PCDHA5: variants seen among roughly 807,000 people sequenced by gnomAD.
The protein encoded by PCDHA5 is protocadherin alpha-5.
A neutral mutation model predicts 61.6 loss-of-function variants in PCDHA5; 43 were observed. The ratio of observed to expected loss-of-function variants is 0.70; its 90% CI spans 0.55 to 0.90. The LOEUF (loss-of-function observed/expected upper bound fraction) is 0.90. PCDHA5 is among the 40% of genes least tolerant of loss of function. PCDHA5 has a pLI of 0.00. For missense variants in PCDHA5, 1,298 were observed against 1,222.7 expected (o/e 1.06, Z -0.92); for synonymous variants, 627 against 543.9 (o/e 1.15, Z -2.13).
chr5:140,854,158 T>C, intron 1 of PCDHA5: 3 of 123,422 alleles, frequency 2.4e-5, no homozygotes, highest in Non-Finnish European at 3.1e-5. Flanking sequence ...AGATTCTGTC[T>C]CAAAAAAAAA....
intron 1 of PCDHA5, chr5:140,850,265 G>A (rs2150476543): frequency 1.3e-6 from 2 of 1,594,610 alleles, no homozygotes; most frequent in Admixed American, 1.7e-5. Context: ...CCGGCGTAGT[G>A]GTGGGGAAGG....
intron 1 of PCDHA5, chr5:140,883,589 G>C (rs782300348): frequency 6.2e-7 from 1 of 1,614,014 alleles, no homozygotes; most frequent in Non-Finnish European, 8.5e-7. Context: ...CACGGCCAGC[G>C]TGTCGGTGGG....
intron 1 of PCDHA5, among the ~76,000 whole-genome samples, chr5:140,840,609 G>A (rs1554137827): frequency 1.3e-5 from 2 of 151,994 alleles, no homozygotes; most frequent in Admixed American, 1.3e-4. Context: ...TAAGTGAGAG[G>A]CTGAATTTAA....
intron 1 of PCDHA5, chr5:140,830,589 T>C (rs1025294463): frequency 8.4e-5 from 61 of 722,306 alleles, no homozygotes; most frequent in Non-Finnish European, 1.2e-4. Context: ...TAATTAATTT[T>C]ACAAAATTAC....
At chr5:140,969,244 G>A (rs1345944804) in intron 1 of PCDHA5, 2 of 1,614,088 alleles carry the variant, frequency 1.2e-6, no homozygotes, top group Non-Finnish European at 1.7e-6. Flanking sequence ...AAGCAGCAGT[G>A]ACTGACAGCA....
intron 1 of PCDHA5, among the ~76,000 whole-genome samples, chr5:140,924,539 C>T (rs1554201995): frequency 6.6e-6 from 1 of 152,050 alleles, no homozygotes; most frequent in African/African-American, 2.4e-5. Flanking sequence ...CCGAGCTACC[C>T]CTCTCCCCAC....
chr5:140,888,003 A>G (rs1187660261), intron 1 of PCDHA5, among the ~76,000 whole-genome samples: 1 of 152,112 alleles, frequency 6.6e-6, no homozygotes, highest in African/African-American at 2.4e-5. Context: ...CCGAATAGTC[A>G]TCTTTTTATC....
intron 1 of PCDHA5, chr5:140,848,954 A>G (rs2150426355): frequency 1.4e-5 from 23 of 1,606,754 alleles, no homozygotes; most frequent in Admixed American, 5.1e-5. Flanking sequence ...CTCGGTTTCC[A>G]CTAGAGGGCG....
intron 1 of PCDHA5, among the ~76,000 whole-genome samples, chr5:140,972,660 A>ATTTTT (rs11350929): frequency 8.5e-5 from 10 of 117,262 alleles, no homozygotes; most frequent in Non-Finnish European, 1.6e-4. Context: ...AAGAAACCAA[A>ATTTTT]TTTTTTTTTT....
intron 1 of PCDHA5, among the ~76,000 whole-genome samples, chr5:140,908,124 C>A (rs782391085): frequency 6.6e-6 from 1 of 152,234 alleles, no homozygotes; most frequent in Non-Finnish European, 1.5e-5. Flanking sequence ...GATTTCCCTT[C>A]ACTGCTGTCC....
rs201762893 is a variant in PCDHA5, at chr5:140,829,796, C to G, written c.2352+5669C>G. The stretch of plus-strand genomic sequence containing the variant: ...CAACGCGCCGGCGCTGCTGGCGCCT[C>G]GGGTGGGTGGTACTGGTGGTGCAGT... On this transcript the variant is annotated intron_variant, in intron 1 of 3. Transcript: ENST00000529859. The G allele has an allele frequency of 6.8e-4, 1,090 of 1,613,774 alleles. 9 individuals carry two copies. Among genetic ancestry groups the G allele is most frequent in the East Asian group, 3.1e-4 (14 of 44,862 alleles).
intron 2 of PCDHA5, among the ~76,000 whole-genome samples, chr5:140,980,478 A>G (rs1186753725): frequency 2.6e-5 from 4 of 152,172 alleles, no homozygotes; most frequent in African/African-American, 4.8e-5. Context: ...AAAAATACAA[A>G]AATTAGCTGG....
chr5:140,882,605 C>T (rs1554174797), intron 1 of PCDHA5: 2 of 1,614,120 alleles, frequency 1.2e-6, no homozygotes, highest in Non-Finnish European at 1.7e-6. Context: ...CGTGGACAGG[C>T]CTCTGCAGGT....
chr5:140,921,367 T>A (rs1165325497), intron 1 of PCDHA5, among the ~76,000 whole-genome samples: 1 of 152,182 alleles, frequency 6.6e-6, no homozygotes, highest in Non-Finnish European at 1.5e-5. Context: ...TCAAGTTTCA[T>A]ATTTCTACAT....
At chr5:140,935,570 T>C (rs2090442737) in intron 1 of PCDHA5, among the ~76,000 whole-genome samples, 1 of 152,236 alleles carries the variant, frequency 6.6e-6, no homozygotes, top group South Asian at 2.1e-4. Context: ...TTCCTCTCTG[T>C]GTAGTTAAGC....
At chr5:140,892,803 A>T (rs1554185373) in intron 1 of PCDHA5, among the ~76,000 whole-genome samples, 1 of 152,174 alleles carries the variant, frequency 6.6e-6, no homozygotes. Context: ...ATTATAGTTA[A>T]CCATATTTAT....
At chr5:140,856,776 G>A in intron 1 of PCDHA5, 1 of 1,596,678 alleles carries the variant, frequency 6.3e-7, no homozygotes, top group Non-Finnish European at 8.6e-7. Context: ...ATCTTTGACA[G>A]ACCGGTTTAT....
rs557916636 is a variant in PCDHA5, at chr5:141,000,518, C to G, written c.2501-9109C>G. The stretch of plus-strand genomic sequence containing the variant: ...TCTCGGCTCACTGCAACCTCCTTCT[C>G]CAGGGTTCAAGTGATTCTCATGCCT... On this transcript the variant is annotated intron_variant, in intron 3 of 3. Transcript: ENST00000529859. Among the ~76,000 whole-genome samples the G allele has an allele frequency of 6.9e-4, 100 of 144,062 alleles. 3 individuals are homozygous for G. In the South Asian group the frequency reaches 0.021, roughly 31 times the overall value. 94.5% of individuals were successfully genotyped at this position (144,062 alleles called of 152,430 possible). A position where few individuals can be genotyped will look rare whatever the true frequency, so the allele number is the denominator to read the frequency against.
intron 1 of PCDHA5, chr5:140,862,603 G>A (rs2047445390): frequency 3.9e-6 from 2 of 515,596 alleles, no homozygotes; most frequent in Non-Finnish European, 7.9e-6. Context: ...CATGGTGTTC[G>A]TGAAAGGTAA....
Sources: gnomAD v4.1 joint callset for allele counts (sites outside exome capture counted in the v4.1 genomes callset) on GRCh38, gnomAD v4.1.1 for gene constraint, MANE v1.5 for transcripts, NCBI Gene and HGNC (gene_info 2026-07-23, HGNC 2026-07-21) for gene names.